MARK3: variants seen among roughly 807,000 people sequenced by gnomAD.
MARK3 encodes microtubule affinity regulating kinase 3, also known as MAP/microtubule affinity-regulating kinase 3.
In MARK3, 46 loss-of-function variants were observed where a neutral mutation model predicts 90.1. That is an observed-to-expected ratio of 0.51 (90% CI 0.40 to 0.65). The LOEUF is 0.65. Among genes scored for constraint, MARK3 ranks in the 30% least tolerant of loss-of-function variants. The probability of loss-of-function intolerance (pLI) is 0.00; values close to 1 mark genes in which losing one functional copy is unlikely to be tolerated. For missense variants in MARK3, 818 were observed against 947.2 expected, an observed-to-expected ratio of 0.86 and a Z score of 1.79; for synonymous variants, 321 against 332.6, an observed-to-expected ratio of 0.97 and a Z score of 0.38.
intron 7 of MARK3, among the ~76,000 whole-genome samples, chr14:103,463,606 A>G (rs150465901): frequency 1.3e-5 from 2 of 152,260 alleles, no homozygotes; most frequent in Non-Finnish European, 2.9e-5. Flanking sequence ...AGTATCTCTT[A>G]AGCTCACTCT....
intron 10 of MARK3, among the ~76,000 whole-genome samples, chr14:103,466,830 C>A (rs867196890): frequency 3.3e-5 from 5 of 151,998 alleles, no homozygotes; most frequent in Admixed American, 2.6e-4. Flanking sequence ...CATGGAGAAA[C>A]CCCATCTCTA....
chr14:103,431,576 T>G (rs766440138), intron 3 of MARK3, among the ~76,000 whole-genome samples: 3 of 152,120 alleles, frequency 2.0e-5, no homozygotes, highest in Non-Finnish European at 4.4e-5. Context: ...AGAACAAGAC[T>G]TTGTCTCAAA....
rs200657300 is a variant in MARK3, at chr14:103,405,086, A to G, written c.62A>G (p.His21Arg). The change falls in exon 2 of 18, where the codon CAT (histidine) becomes CGT (arginine). Residue 21 changes from histidine to arginine, a missense_variant. By Grantham distance (29) the His-to-Arg change is conservative. Transcript: ENST00000429436. ...TATGCTGTATTGCAGCACACGTCACATGGAGATGGGCGTCAAGAAGTTACC... is the reference window on the plus strand; with the variant it reads ...TATGCTGTATTGCAGCACACGTCACGTGGAGATGGGCGTCAAGAAGTTACC... ...NERDTENHTS[H>R]GDGRQEVTSR... 3.7e-6 allele frequency: 6 copies of G among 1,613,896 alleles called. No individual in the cohort carries two copies. Among genetic ancestry groups the G allele is most frequent in the East Asian group, 2.2e-5 (1 of 44,844 alleles).
At chr14:103,417,754 T>A (rs1213584497) in intron 2 of MARK3, among the ~76,000 whole-genome samples, 1 of 152,172 alleles carries the variant, frequency 6.6e-6, no homozygotes, top group East Asian at 1.9e-4. Flanking sequence ...TAACTTCATC[T>A]TCCATTCTTT....
rs571342589 is a variant in MARK3 at position 103,420,878 on chromosome 14, C to CT, written c.244-7503dup. 3.9e-5 allele frequency among the ~76,000 whole-genome samples: 6 copies of CT among 152,110 alleles called. No individual in the cohort carries two copies. In the East Asian group the frequency reaches 1.2e-3, roughly 29 times the overall value. ...CAGTCTTTGTGCCGTAAACCAGTGT[C>CT]TTTTTTGTGATCTATTTAATGCCTT... On this transcript the variant is annotated intron_variant, in intron 2 of 17. Transcript: ENST00000429436.
At chr14:103,413,959 A>G (rs959261025) in intron 2 of MARK3, among the ~76,000 whole-genome samples, 1 of 152,160 alleles carries the variant, frequency 6.6e-6, no homozygotes, top group Non-Finnish European at 1.5e-5. Context: ...CCACTGAAGG[A>G]CATTTGAATA....
intron 6 of MARK3, chr14:103,458,667 A>G: frequency 1.6e-6 from 1 of 639,380 alleles, no homozygotes; most frequent in Non-Finnish European, 2.8e-6. Context: ...CCTACATTGA[A>G]ATGGAATTAT....
chr14:103,502,742 C>G (rs2075739541), intron 17 of MARK3, 140 bp from the exon 18 acceptor site: 2 of 653,766 alleles, frequency 3.1e-6, no homozygotes, highest in Non-Finnish European at 5.2e-6. Flanking sequence ...GACTTAGTTA[C>G]AAATGTGAGT....
intron 3 of MARK3, among the ~76,000 whole-genome samples, chr14:103,432,905 T>C (rs2092622435): frequency 6.6e-6 from 1 of 151,964 alleles, no homozygotes; most frequent in South Asian, 2.1e-4. Flanking sequence ...CTTTCAGAAT[T>C]CCTTTTTTTT....
chr14:103,436,386 CTT>C (rs2092716797), intron 3 of MARK3, among the ~76,000 whole-genome samples: 1 of 149,276 alleles, frequency 6.7e-6, no homozygotes, highest in African/African-American at 2.5e-5. Flanking sequence ...TTGAACAACT[CTT>C]TTCATCTTTT....
At position 103,385,941 on chromosome 14, in the gene MARK3, C is replaced by G. The variant is rs551374344; in HGVS notation, c.-89C>G. ...CCCCACGGCGCCTTTTCGGAACTGC[C>G]GTGGACTCGAGGACGCTGGTCGCCG... is the stretch of plus-strand genomic sequence containing the variant. On this transcript the variant is annotated 5_prime_UTR_variant, in exon 1 of 18. Transcript: ENST00000429436. 17 of 1,082,238 alleles carry G rather than the reference C, an allele frequency of 1.6e-5. No individual in the cohort carries two copies. Among genetic ancestry groups the G allele is most frequent in the South Asian group, 1.3e-4 (10 of 79,586 alleles). The allele number at this position is 1,082,238 out of a possible 1,614,324, so 67.0% of individuals were successfully genotyped here.
At chr14:103,399,813 T>C (rs2090840733) in intron 1 of MARK3, among the ~76,000 whole-genome samples, 1 of 151,980 alleles carries the variant, frequency 6.6e-6, no homozygotes, top group Non-Finnish European at 1.5e-5. Flanking sequence ...GGTAGTTTTG[T>C]CTTTTCTGTC....
At chr14:103,390,768 G>C (rs2090184849) in intron 1 of MARK3, among the ~76,000 whole-genome samples, 1 of 152,202 alleles carries the variant, frequency 6.6e-6, no homozygotes, top group Non-Finnish European at 1.5e-5. Flanking sequence ...GAGTGCAGTG[G>C]AGCAATCACA....
chr14:103,491,084 T>C, intron 14 of MARK3: 2 of 1,279,232 alleles, frequency 1.6e-6, no homozygotes, highest in South Asian at 1.3e-5. Flanking sequence ...CAATAGACAG[T>C]GAAGGAGATA....
chr14:103,432,540 A>G (rs1331597084), intron 3 of MARK3, among the ~76,000 whole-genome samples: 3 of 137,514 alleles, frequency 2.2e-5, no homozygotes, highest in East Asian at 4.4e-4. Context: ...GGCTTTAGAG[A>G]CAGGCAAAGG....
At chr14:103,412,638 C>T in intron 2 of MARK3, 1 of 983,098 alleles carries the variant, frequency 1.0e-6, no homozygotes, top group East Asian at 3.9e-5. Flanking sequence ...TTCTGGGGGT[C>T]ATAGTTCTTC....
At chr14:103,482,449 A>G (rs184391975) in intron 14 of MARK3, among the ~76,000 whole-genome samples, 1 of 152,162 alleles carries the variant, frequency 6.6e-6, no homozygotes, top group African/African-American at 2.4e-5. Context: ...TGAACCCAGG[A>G]GGCAGAGTTT....
chr14:103,490,818 T>A (rs913879737), intron 14 of MARK3: 1 of 402,220 alleles, frequency 2.5e-6, no homozygotes, highest in Non-Finnish European at 3.5e-6. Context: ...CAAAACAAGC[T>A]TAGGAGATTT....
chr14:103,408,053 T>TTGTC (rs910935014), intron 2 of MARK3, among the ~76,000 whole-genome samples: 5 of 152,340 alleles, frequency 3.3e-5, no homozygotes, highest in African/African-American at 1.2e-4. Context: ...AATTGCTCGT[T>TTGTC]TGTCTGTCTC....
Sources: gnomAD v4.1 joint callset for allele counts (sites outside exome capture counted in the v4.1 genomes callset) on GRCh38, gnomAD v4.1.1 for gene constraint, MANE v1.5 for transcripts, NCBI Gene and HGNC (gene_info 2026-07-23, HGNC 2026-07-21) for gene names.